Variants in LRRC4C observed in about 807,000 individuals in gnomAD.
LRRC4C encodes leucine rich repeat containing 4C, also known as leucine-rich repeat-containing protein 4C.
LRRC4C carries 5 observed loss-of-function variants against 33.6 expected under a neutral mutation model. The observed-to-expected ratio is 0.15, with a 90% CI of 0.08 to 0.31. The LOEUF (loss-of-function observed/expected upper bound fraction) is 0.31. LRRC4C is among the 10% of genes least tolerant of loss of function. LRRC4C has a pLI of 1.00. For synonymous variants in LRRC4C, 329 were observed against 302.0 expected (o/e 1.09, Z -0.93); for missense variants, 560 against 796.7 (o/e 0.70, Z 3.58).
chr11:40,929,950 A>C (rs1222903550), intron 2 of LRRC4C, among the ~76,000 whole-genome samples: 1 of 152,198 alleles, frequency 6.6e-6, no homozygotes, highest in African/African-American at 2.4e-5. Flanking sequence ...TACAATCAAT[A>C]TGAAGCTAAT....
chr11:41,011,606 A>G (rs1366101587), intron 1 of LRRC4C, among the ~76,000 whole-genome samples: 1 of 151,882 alleles, frequency 6.6e-6, no homozygotes, highest in Non-Finnish European at 1.5e-5. Flanking sequence ...TAGAAATATT[A>G]TGCAACATGG....
intron 3 of LRRC4C, among the ~76,000 whole-genome samples, chr11:40,461,684 TATA>T (rs1405171019): frequency 6.7e-6 from 1 of 148,680 alleles, no homozygotes; most frequent in Non-Finnish European, 1.5e-5. Context: ...ATATATATTA[TATA>T]ATAATCTTCT....
chr11:40,777,822 G>A (rs1429098573), intron 2 of LRRC4C, among the ~76,000 whole-genome samples: 2 of 151,736 alleles, frequency 1.3e-5, no homozygotes, highest in Admixed American at 1.3e-4. Flanking sequence ...CGAGTAGCTG[G>A]GACTACAGGC....
intron 1 of LRRC4C, among the ~76,000 whole-genome samples, chr11:41,443,967 T>G (rs761566497): frequency 6.6e-6 from 1 of 152,014 alleles, no homozygotes; most frequent in Non-Finnish European, 1.5e-5. Context: ...TCCCTGAGTA[T>G]GTATTTTGGG....
At chr11:40,721,331 C>G (rs952826760) in intron 2 of LRRC4C, among the ~76,000 whole-genome samples, 1 of 152,188 alleles carries the variant, frequency 6.6e-6, no homozygotes, top group Non-Finnish European at 1.5e-5. Flanking sequence ...ATGAGGATAA[C>G]ACAGCCATTG....
intron 4 of LRRC4C, among the ~76,000 whole-genome samples, chr11:40,252,408 G>A (rs372638514): frequency 6.6e-6 from 1 of 151,542 alleles, no homozygotes; most frequent in Non-Finnish European, 1.5e-5. Context: ...AGTACCCCAC[G>A]AAACAGAGAG....
At chr11:40,572,909 A>AT (rs1231084319) in intron 3 of LRRC4C, among the ~76,000 whole-genome samples, 32 of 152,108 alleles carry the variant, frequency 2.1e-4, no homozygotes, top group African/African-American at 7.2e-5. Flanking sequence ...AATGCTTATC[A>AT]TTTTTTTCTG....
chr11:40,466,836 C>A (rs1952676303), intron 3 of LRRC4C, among the ~76,000 whole-genome samples: 2 of 151,900 alleles, frequency 1.3e-5, no homozygotes, highest in South Asian at 4.1e-4. Flanking sequence ...TTCTTAATTC[C>A]TCCTCTTCTC....
chr11:40,876,437 C>A (rs1249520674), intron 2 of LRRC4C, among the ~76,000 whole-genome samples: 1 of 151,912 alleles, frequency 6.6e-6, no homozygotes, highest in Non-Finnish European at 1.5e-5. Flanking sequence ...CCCCAAAGTT[C>A]CAGTTTGGCT....
At chr11:41,005,142 C>T (rs1393969161) in intron 1 of LRRC4C, among the ~76,000 whole-genome samples, 1 of 152,102 alleles carries the variant, frequency 6.6e-6, no homozygotes, top group Non-Finnish European at 1.5e-5. Context: ...ACATCATATG[C>T]CTACTGATAT....
chr11:41,435,730 G>A (rs992126775), intron 1 of LRRC4C, among the ~76,000 whole-genome samples: 1 of 151,978 alleles, frequency 6.6e-6, no homozygotes, highest in Non-Finnish European at 1.5e-5. Flanking sequence ...TTCCCAAGTG[G>A]GTTTCATATA....
chr11:40,138,664 T>C (rs944572436), intron 6 of LRRC4C, among the ~76,000 whole-genome samples: 1 of 152,198 alleles, frequency 6.6e-6, no homozygotes, highest in East Asian at 1.9e-4. Flanking sequence ...TTTTGTAGGG[T>C]TAACTAGAAA....
At chr11:40,684,352 C>T (rs187193794) in intron 2 of LRRC4C, among the ~76,000 whole-genome samples, 41 of 151,696 alleles carry the variant, frequency 2.7e-4, no homozygotes, top group East Asian at 1.7e-3. Context: ...ACTAAATGTA[C>T]GCATTAAATT....
At chr11:40,512,660 C>T (rs1955376647) in intron 3 of LRRC4C, among the ~76,000 whole-genome samples, 2 of 152,170 alleles carry the variant, frequency 1.3e-5, no homozygotes, top group African/African-American at 4.8e-5. Flanking sequence ...GACAATATCT[C>T]AGGGTTTCCG....
At chr11:40,541,270 C>T (rs1051815239) in intron 3 of LRRC4C, among the ~76,000 whole-genome samples, 1 of 152,102 alleles carries the variant, frequency 6.6e-6, no homozygotes, top group African/African-American at 2.4e-5. Context: ...CAGCCTCAAA[C>T]TCCTGGGCTC....
intron 3 of LRRC4C, among the ~76,000 whole-genome samples, chr11:40,370,327 C>T (rs1045457097): frequency 8.5e-5 from 13 of 152,140 alleles, no homozygotes; most frequent in African/African-American, 2.4e-4. Context: ...CTAAAACACT[C>T]GCTGAAACGA....
intron 2 of LRRC4C, among the ~76,000 whole-genome samples, chr11:40,885,022 C>G (rs975750865): frequency 6.6e-6 from 1 of 151,948 alleles, no homozygotes; most frequent in African/African-American, 2.4e-5. Context: ...AAATTATCGA[C>G]TGGGAACAAT....
intron 1 of LRRC4C, among the ~76,000 whole-genome samples, chr11:41,239,705 T>G (rs1948174198): frequency 6.6e-6 from 1 of 152,190 alleles, no homozygotes; most frequent in African/African-American, 2.4e-5. Context: ...TACTTTTGTT[T>G]TTCTCTTCCA....
chr11:40,965,641 C>G (rs540108628), intron 1 of LRRC4C, among the ~76,000 whole-genome samples: 81 of 152,206 alleles, frequency 5.3e-4, no homozygotes, highest in African/African-American at 1.8e-3. Context: ...TTCCCCATTG[C>G]TTGTTTTTGT....
Sources: gnomAD v4.1 joint callset for allele counts (sites outside exome capture counted in the v4.1 genomes callset) on GRCh38, gnomAD v4.1.1 for gene constraint, MANE v1.5 for transcripts, NCBI Gene and HGNC (gene_info 2026-07-23, HGNC 2026-07-21) for gene names.